DGKB: variants seen among roughly 807,000 people sequenced by gnomAD.
The protein encoded by DGKB is diacylglycerol kinase beta, also known as 90 kDa diacylglycerol kinase.
A neutral mutation model predicts 114.3 loss-of-function variants in DGKB; 67 were observed. That is an observed-to-expected ratio of 0.59 (90% CI 0.48 to 0.72). The LOEUF (loss-of-function observed/expected upper bound fraction) is 0.72, where lower values mean the gene tolerates loss of function less well. DGKB is among the 30% of genes least tolerant of loss of function. The pLI, the probability that DGKB is intolerant of heterozygous loss-of-function variation, is 0.00. For missense variants in DGKB, 907 were observed against 975.2 expected (o/e 0.93, Z 0.93); for synonymous variants, 398 against 323.1 (o/e 1.23, Z -2.49).
At chr7:14,420,686 G>A (rs953809693) in intron 21 of DGKB, among the ~76,000 whole-genome samples, 4 of 152,060 alleles carry the variant, frequency 2.6e-5, no homozygotes, top group African/African-American at 9.7e-5. Flanking sequence ...ACTGCATGAA[G>A]TTTCATTTAC....
At chr7:14,335,150 C>CA (rs1351886438) in intron 23 of DGKB, among the ~76,000 whole-genome samples, 2 of 152,102 alleles carry the variant, frequency 1.3e-5, no homozygotes, top group Non-Finnish European at 2.9e-5. Context: ...TGAGTGTCTT[C>CA]AAAGATTGCA....
intron 17 of DGKB, among the ~76,000 whole-genome samples, chr7:14,588,008 T>C (rs188201348): frequency 4.8e-4 from 73 of 152,150 alleles, no homozygotes; most frequent in African/African-American, 1.6e-3. Context: ...TGCTTAAGGG[T>C]AGTGGCCACT....
intron 20 of DGKB, among the ~76,000 whole-genome samples, chr7:14,567,233 ATTATATTATATATATTATATATTT>A (rs1563533491): frequency 1.9e-5 from 1 of 52,980 alleles, no homozygotes; most frequent in African/African-American, 7.9e-5. Context: ...AATATATATA[ATTATATTATATATATTATATATTT>A]ATATATTATA....
At chr7:14,617,286 C>T (rs1806723662) in intron 15 of DGKB, among the ~76,000 whole-genome samples, 1 of 151,726 alleles carries the variant, frequency 6.6e-6, no homozygotes, top group Non-Finnish European at 1.5e-5. Flanking sequence ...GCTCCCCTAT[C>T]TCAGTCAATG....
At chr7:14,371,285 G>T (rs1176224857) in intron 21 of DGKB, among the ~76,000 whole-genome samples, 1 of 152,108 alleles carries the variant, frequency 6.6e-6, no homozygotes, top group African/African-American at 2.4e-5. Context: ...ATTCCCACCA[G>T]CAGTGTATAA....
chr7:14,496,623 A>G (rs541078489), intron 20 of DGKB, among the ~76,000 whole-genome samples: 176 of 151,916 alleles, frequency 1.2e-3, no homozygotes, highest in Non-Finnish European at 1.8e-3. Context: ...CTGTTAGGCA[A>G]ATAATATTTG....
At chr7:14,163,891 A>G (rs1374722958) in intron 25 of DGKB, among the ~76,000 whole-genome samples, 1 of 152,012 alleles carries the variant, frequency 6.6e-6, no homozygotes, top group Non-Finnish European at 1.5e-5. Context: ...GCTACCCGGG[A>G]GGCTGAGGCA....
chr7:14,944,084 T>G (rs1419391251), intron 1 of DGKB, among the ~76,000 whole-genome samples: 1 of 151,854 alleles, frequency 6.6e-6, no homozygotes, highest in African/African-American at 2.4e-5. Flanking sequence ...TATTTCATTC[T>G]ATTACCTAAT....
chr7:14,811,401 A>C (rs2128080195), intron 2 of DGKB, among the ~76,000 whole-genome samples: 1 of 152,240 alleles, frequency 6.6e-6, no homozygotes, highest in African/African-American at 2.4e-5. Flanking sequence ...ATAATACTGA[A>C]GTTGCTCTCA....
chr7:14,817,580 T>C (rs993253361), intron 2 of DGKB, among the ~76,000 whole-genome samples: 1 of 152,200 alleles, frequency 6.6e-6, no homozygotes. Flanking sequence ...AAAATTTTTC[T>C]CTTTATTGAG....
At chr7:14,759,342 C>T (rs1835359745) in intron 2 of DGKB, among the ~76,000 whole-genome samples, 1 of 152,134 alleles carries the variant, frequency 6.6e-6, no homozygotes, top group African/African-American at 2.4e-5. Flanking sequence ...CAATCATTAC[C>T]TCTGATTAAT....
chr7:14,192,477 G>A (rs897049311), intron 23 of DGKB, among the ~76,000 whole-genome samples: 2 of 152,044 alleles, frequency 1.3e-5, no homozygotes, highest in Non-Finnish European at 2.9e-5. Flanking sequence ...CAAATAAATG[G>A]AAAGACATAT....
chr7:14,942,137 CA>C (rs1017941954), intron 1 of DGKB, among the ~76,000 whole-genome samples: 1 of 151,568 alleles, frequency 6.6e-6, no homozygotes, highest in Non-Finnish European at 1.5e-5. Flanking sequence ...TTAGATTAGG[CA>C]AAACAATTTG....
chr7:14,820,852 G>A (rs887769750), intron 2 of DGKB, among the ~76,000 whole-genome samples: 5 of 152,034 alleles, frequency 3.3e-5, no homozygotes, highest in Admixed American at 2.0e-4. Context: ...AATGTGGCTC[G>A]GTAATTAAAT....
At chr7:14,959,022 C>CTTA (rs1333602939) in intron 1 of DGKB, among the ~76,000 whole-genome samples, 1 of 151,950 alleles carries the variant, frequency 6.6e-6, no homozygotes, top group Non-Finnish European at 1.5e-5. Flanking sequence ...AGAATCATGA[C>CTTA]TGATATTGAT....
At chr7:14,602,471 T>G (rs1283292801) in intron 17 of DGKB, among the ~76,000 whole-genome samples, 2 of 152,164 alleles carry the variant, frequency 1.3e-5, no homozygotes. Context: ...GCAATAGTAT[T>G]GGGAGGTGGG....
At chr7:14,576,454 A>G (rs1293456358) in intron 19 of DGKB, among the ~76,000 whole-genome samples, 1 of 151,902 alleles carries the variant, frequency 6.6e-6, no homozygotes, top group South Asian at 2.1e-4. Flanking sequence ...ACACTTAAAT[A>G]TATTCATCTA....
intron 23 of DGKB, chr7:14,191,679 G>C (rs1243934264): frequency 3.1e-6 from 1 of 319,140 alleles, no homozygotes; most frequent in Non-Finnish European, 6.5e-6. Context: ...ACTCTTCTGG[G>C]GGACAAAGGG....
intron 23 of DGKB, among the ~76,000 whole-genome samples, chr7:14,294,265 C>T (rs1000010722): frequency 6.6e-6 from 1 of 152,092 alleles, no homozygotes; most frequent in Non-Finnish European, 1.5e-5. Context: ...GGTTAGCCAC[C>T]TTATCCATCT....
Sources: allele counts gnomAD v4.1 joint callset (sites outside exome capture counted in the v4.1 genomes callset), GRCh38; gene constraint gnomAD v4.1.1; transcripts MANE v1.5; gene names NCBI Gene and HGNC (gene_info 2026-07-23, HGNC 2026-07-21).